CSGALNACT1: variants seen among roughly 807,000 people sequenced by gnomAD.
CSGALNACT1 encodes chondroitin sulfate N-acetylgalactosaminyltransferase 1, also known as beta4GalNAcT-1.
CSGALNACT1 carries 52 observed loss-of-function variants against 51.0 expected under a neutral mutation model. That is an observed-to-expected ratio of 1.02 (90% CI 0.82 to 1.29). The LOEUF is 1.29. Ranked by LOEUF, CSGALNACT1 falls within the 50% of genes most tolerant of loss-of-function variation. The pLI, the probability that CSGALNACT1 is intolerant of heterozygous loss-of-function variation, is 0.00. For missense variants in CSGALNACT1, 935 were observed against 679.2 expected (o/e 1.38, Z -4.19); for synonymous variants, 341 against 254.4 (o/e 1.34, Z -3.24).
intron 1 of CSGALNACT1, among the ~76,000 whole-genome samples, chr8:19,730,216 A>G (rs1261494758): frequency 6.7e-6 from 1 of 149,914 alleles, no homozygotes; most frequent in East Asian, 2.0e-4. Flanking sequence ...CCTTCTTTAC[A>G]CTCAATGTCC....
chr8:19,543,375 G>T (rs2085694045), intron 3 of CSGALNACT1, among the ~76,000 whole-genome samples: 1 of 152,194 alleles, frequency 6.6e-6, no homozygotes, highest in South Asian at 2.1e-4. Context: ...ATCCGCCCTT[G>T]ACAATGTCTG....
chr8:19,507,623 G>T (rs1321020293), intron 3 of CSGALNACT1, among the ~76,000 whole-genome samples: 1 of 150,060 alleles, frequency 6.7e-6, no homozygotes, highest in East Asian at 1.9e-4. Flanking sequence ...CTTCCTAAAT[G>T]CATCTTTCTT....
At chr8:19,528,553 C>A (rs2082158801) in intron 3 of CSGALNACT1, among the ~76,000 whole-genome samples, 1 of 151,914 alleles carries the variant, frequency 6.6e-6, no homozygotes, top group South Asian at 2.1e-4. Flanking sequence ...TCTAGACCCC[C>A]ATAGTAAGAT....
chr8:19,578,039 G>C (rs2044680084), intron 3 of CSGALNACT1, among the ~76,000 whole-genome samples: 1 of 152,164 alleles, frequency 6.6e-6, no homozygotes, highest in Admixed American at 6.5e-5. Flanking sequence ...CAGCACCACA[G>C]CTTGCTTTCA....
chr8:19,446,749 G>C (rs1227119580), intron 5 of CSGALNACT1, among the ~76,000 whole-genome samples: 2 of 152,118 alleles, frequency 1.3e-5, no homozygotes, highest in African/African-American at 4.8e-5. Context: ...CCTGACCTCG[G>C]GTGAGCCACT....
intron 1 of CSGALNACT1, among the ~76,000 whole-genome samples, chr8:19,698,092 G>C (rs1050257919): frequency 3.9e-5 from 6 of 152,200 alleles, no homozygotes; most frequent in African/African-American, 1.4e-4. Flanking sequence ...TGAATGGGAA[G>C]TGAGAAGGCT....
At position 19,538,776 on chromosome 8, in the gene CSGALNACT1, G is replaced by T. The variant is rs572495825; in HGVS notation, c.-296-32646C>A. On this transcript the variant is annotated intron_variant, in intron 3 of 9. Coordinates refer to ENST00000454498, the Ensembl canonical transcript of CSGALNACT1. ...ACTTCACTCTGCACATCTGGGTCAA[G>T]GTTATAAAGTAGGCCTCCTATCCTG... Among the ~76,000 whole-genome samples the T allele has an allele frequency of 1.0e-3, 152 of 152,108 alleles. No individual in the cohort carries two copies. In the Middle Eastern group the frequency reaches 0.01, roughly 10 times the overall value.
chr8:19,643,276 A>G lies in CSGALNACT1; in HGVS notation c.-544+39197T>C, dbSNP rs753086911. ...TTTCAGCTAATATAATAAAGTGTCAATATTCCTAATCTATAAAGATGTTTT... is the reference window on the plus strand; with the variant it reads ...TTTCAGCTAATATAATAAAGTGTCAGTATTCCTAATCTATAAAGATGTTTT... On this transcript the variant is annotated intron_variant, in intron 1 of 9. Coordinates refer to the CSGALNACT1 transcript ENST00000332246. Among the ~76,000 whole-genome samples the G allele has an allele frequency of 3.3e-5, 5 of 152,234 alleles. No individual in the cohort carries two copies. The South Asian group carries it at 1.0e-3, about 31-fold the overall frequency.
At chr8:19,644,709 C>CAAAAAAAAAAAAAAAAAAAAAAAAAAA in intron 1 of CSGALNACT1, among the ~76,000 whole-genome samples, 1 of 22,292 alleles carries the variant, frequency 4.5e-5, no homozygotes, top group Non-Finnish European at 9.6e-5. Context: ...GACTCCGTCT[C>CAAAAAAAAAAAAAAAAAAAAAAAAAAA]AAAAAAAAAA....
At chr8:19,617,529 AAATT>A (rs2053203278) in intron 1 of CSGALNACT1, among the ~76,000 whole-genome samples, 2 of 152,234 alleles carry the variant, frequency 1.3e-5, no homozygotes, top group African/African-American at 4.8e-5. Flanking sequence ...TAAGCAGAGT[AAATT>A]AATAAACACA....
intron 3 of CSGALNACT1, among the ~76,000 whole-genome samples, chr8:19,569,821 A>G (rs1218237846): frequency 6.6e-6 from 1 of 152,266 alleles, no homozygotes; most frequent in Non-Finnish European, 1.5e-5. Context: ...TTATCCATCA[A>G]CAGTAGAATG....
chr8:19,521,649 C>A (rs1264129700), intron 3 of CSGALNACT1, among the ~76,000 whole-genome samples: 1 of 152,156 alleles, frequency 6.6e-6, no homozygotes, highest in Non-Finnish European at 1.5e-5. Context: ...CACTACTAGA[C>A]TCCGTCTCCA....
chr8:19,512,099 A>G (rs554553446), intron 3 of CSGALNACT1, among the ~76,000 whole-genome samples: 1 of 152,324 alleles, frequency 6.6e-6, no homozygotes, highest in African/African-American at 2.4e-5. Context: ...ATATGGCAGA[A>G]GAAGTGGTAT....
intron 1 of CSGALNACT1, among the ~76,000 whole-genome samples, chr8:19,744,021 T>C (rs543677899): frequency 3.3e-5 from 5 of 152,320 alleles, no homozygotes; most frequent in African/African-American, 9.6e-5. Flanking sequence ...CAGACTATTA[T>C]TCTGAATGGT....
At chr8:19,692,819 A>C (rs2061399106) in intron 1 of CSGALNACT1, among the ~76,000 whole-genome samples, 2 of 152,192 alleles carry the variant, frequency 1.3e-5, no homozygotes, top group African/African-American at 2.4e-5. Flanking sequence ...CTAGATCCTT[A>C]ACCTCCCCAG....
At chr8:19,489,176 A>C (rs1310896222) in intron 4 of CSGALNACT1, among the ~76,000 whole-genome samples, 1 of 149,698 alleles carries the variant, frequency 6.7e-6, no homozygotes, top group African/African-American at 2.4e-5. Context: ...AAGTGAATCC[A>C]GTGAGAAAAT....
At chr8:19,698,037 G>C (rs1487476726) in intron 1 of CSGALNACT1, among the ~76,000 whole-genome samples, 1 of 151,324 alleles carries the variant, frequency 6.6e-6, no homozygotes, top group Non-Finnish European at 1.5e-5. Context: ...TGGTGAGAAG[G>C]GTCACAGTGT....
In CSGALNACT1 at chr8:19,526,949, T is replaced by C. The variant is rs750863575; in HGVS notation, c.-296-20819A>G. On this transcript the variant is annotated intron_variant, in intron 3 of 9. Transcript: ENST00000454498. ...ACATTTACTCAGTACCTACGTTAAA[T>C]GCTATGTTAAAGTCTCATTCAGGAT... Among the ~76,000 whole-genome samples the C allele has an allele frequency of 5.9e-5, 9 of 152,340 alleles. No homozygotes were observed. The Middle Eastern group carries it at 0.01, about 173-fold the overall frequency.
intron 3 of CSGALNACT1, among the ~76,000 whole-genome samples, chr8:19,514,087 G>C (rs2079009737): frequency 6.6e-6 from 1 of 152,170 alleles, no homozygotes; most frequent in Non-Finnish European, 1.5e-5. Context: ...TATGGGCCAA[G>C]TGCTTTATCT....
Sources: allele counts gnomAD v4.1 joint callset (sites outside exome capture counted in the v4.1 genomes callset), GRCh38; gene constraint gnomAD v4.1.1; transcripts MANE v1.5; gene names NCBI Gene and HGNC (gene_info 2026-07-23, HGNC 2026-07-21).